The following CDKL3 variants were observed in gnomAD, a reference collection of about 807,000 sequenced individuals.
CDKL3 encodes the protein cyclin dependent kinase like 3.
CDKL3 carries 65 observed loss-of-function variants against 69.3 expected under a neutral mutation model. The ratio of observed to expected loss-of-function variants is 0.94; its 90% CI spans 0.77 to 1.15. The LOEUF (loss-of-function observed/expected upper bound fraction) is 1.15. CDKL3 is among the 50% of genes most tolerant of loss of function. The probability of loss-of-function intolerance (pLI) is 0.00; values close to 1 mark genes in which losing one functional copy is unlikely to be tolerated. For synonymous variants in CDKL3, 202 were observed against 221.6 expected (o/e 0.91, Z 0.79); for missense variants, 652 against 689.2 (o/e 0.95, Z 0.61).
chr5:134,298,684 C>G lies in CDKL3; in HGVS notation c.1746G>C (p.Lys582Asn), dbSNP rs1765552710. 6.2e-7 allele frequency: 1 copy of G among 1,613,130 alleles called. No individual in the cohort carries two copies. The highest frequency in any genetic ancestry group is 8.5e-7 in the Non-Finnish European group (1 of 1,179,436). Reference protein sequence around the residue: ...QEGGDGHCEGKNLKRNRFFFW With the variant: ...QEGGDGHCEGNNLKRNRFFFW ...AAAAAAACCTGTTTCTCTTCAAATTCTTCCCCTCGCAATGGCCATCTCCAC... is the reference window on the plus strand; with the variant it reads ...AAAAAAACCTGTTTCTCTTCAAATTGTTCCCCTCGCAATGGCCATCTCCAC... Residue 582 changes from lysine (K) to asparagine (N), a missense_variant, in exon 13 of 13, where the codon AAG (lysine) becomes AAC (asparagine). Lys to Asn is a moderately conservative substitution (Grantham distance 94). Transcript: ENST00000265334.
downstream of CDKL3, among the ~76,000 whole-genome samples, chr5:134,295,299 A>G (rs11242210): frequency 0.89 from 135,782 of 152,130 alleles, 61,085 homozygotes; most frequent in African/African-American, 0.97. Context: ...TGACAGGTGC[A>G]AGCCACCATG....
chr5:134,324,288 T>G (rs1242908907), intron 4 of CDKL3, among the ~76,000 whole-genome samples: 2 of 152,340 alleles, frequency 1.3e-5, no homozygotes, highest in East Asian at 3.9e-4. Flanking sequence ...ATTTGACAGC[T>G]TCTAACAAAG....
intron 3 of CDKL3, among the ~76,000 whole-genome samples, chr5:134,355,537 T>A (rs1754390227): frequency 2.0e-5 from 3 of 152,192 alleles, no homozygotes; most frequent in Non-Finnish European, 4.4e-5. Flanking sequence ...AAGAAAGGTA[T>A]TTATTGAAAA....
chr5:134,308,073 A>G, intron 9 of CDKL3, 65 bp downstream of exon 9: 1 of 1,501,030 alleles, frequency 6.7e-7, no homozygotes, highest in Non-Finnish European at 8.9e-7. Flanking sequence ...TATGAACACG[A>G]TTCTTTGAAA....
intron 3 of CDKL3, among the ~76,000 whole-genome samples, chr5:134,351,778 T>C (rs981735430): frequency 3.0e-4 from 46 of 152,276 alleles, no homozygotes; most frequent in Admixed American, 1.0e-3. Context: ...TTTTTAACAT[T>C]GTTAATTTTA....
upstream of CDKL3, chr5:134,371,342 A>C (rs1159541954): frequency 1.7e-6 from 1 of 594,208 alleles, no homozygotes; most frequent in Non-Finnish European, 3.0e-6. Context: ...CGCCCCGCTG[A>C]AGGGCTCGGG....
intron 4 of CDKL3, among the ~76,000 whole-genome samples, chr5:134,348,323 G>C (rs992385724): frequency 6.6e-6 from 1 of 152,208 alleles, no homozygotes; most frequent in Non-Finnish European, 1.5e-5. Flanking sequence ...CACACAAAGG[G>C]TTTTCTGGGG....
At chr5:134,362,138 T>C (rs2149656720) in intron 2 of CDKL3, among the ~76,000 whole-genome samples, 1 of 152,372 alleles carries the variant, frequency 6.6e-6, no homozygotes, top group South Asian at 2.1e-4. Context: ...TCAAGTTGTT[T>C]AATTTTTTCT....
At chr5:134,347,125 G>A (rs77776586) in intron 4 of CDKL3, among the ~76,000 whole-genome samples, 2,512 of 151,952 alleles carry the variant, frequency 0.017, 40 homozygotes, top group Middle Eastern at 0.027. Context: ...ACTGGGTGAG[G>A]ACTATGGGGA....
intron 12 of CDKL3, chr5:134,299,777 T>A: frequency 7.1e-7 from 1 of 1,400,230 alleles, no homozygotes; most frequent in Non-Finnish European, 9.8e-7. Context: ...AACAGGTCTT[T>A]AATTGAGGAC....
intron 4 of CDKL3, among the ~76,000 whole-genome samples, chr5:134,322,883 G>A (rs915867688): frequency 3.9e-5 from 6 of 151,980 alleles, no homozygotes; most frequent in Non-Finnish European, 8.8e-5. Flanking sequence ...GGAGGCTGAG[G>A]CAGGAAAATC....
chr5:134,284,653 C>G (rs1764776582), downstream of CDKL3, among the ~76,000 whole-genome samples: 1 of 152,246 alleles, frequency 6.6e-6, no homozygotes. Flanking sequence ...TTATCTTCAA[C>G]TGCACAAGAC....
chr5:134,287,570 A>G (rs1764924532), intron 8 of CDKL3, among the ~76,000 whole-genome samples: 1 of 152,200 alleles, frequency 6.6e-6, no homozygotes, highest in African/African-American at 2.4e-5. Flanking sequence ...AGACCTAGCC[A>G]ATTGATTGCC....
In CDKL3 at chr5:134,304,533, G is replaced by C. The variant is rs1328694366; in HGVS notation, c.1493C>G (p.Thr498Arg). 7 of 1,610,892 alleles carry C rather than the reference G, an allele frequency of 4.3e-6. No individual in the cohort carries two copies. Among genetic ancestry groups the C allele is most frequent in the Non-Finnish European group, 5.1e-6 (6 of 1,178,772 alleles). Residue 498 changes from threonine (T) to arginine (R), a missense_variant, in exon 11 of 13, where the codon ACA becomes AGA. Physicochemically the swap from Thr to Arg is moderately conservative, Grantham distance 71. Transcript: ENST00000265334. ...ATTTGCCATTTGGTCACTGTGACCT[G>C]TTCGCTCATTAAATATACCCTTCTC... ...QMEKGIFNER[T>R]GHSDQMANEN...
intron 4 of CDKL3, among the ~76,000 whole-genome samples, chr5:134,345,768 C>A (rs1751706645): frequency 6.6e-6 from 1 of 152,300 alleles, no homozygotes; most frequent in East Asian, 1.9e-4. Context: ...ATTTTCACTT[C>A]TTTTGTGATT....
chr5:134,361,419 C>T (rs549340287), intron 2 of CDKL3, among the ~76,000 whole-genome samples: 2 of 152,184 alleles, frequency 1.3e-5, no homozygotes, highest in South Asian at 4.1e-4. Context: ...AATATATTTG[C>T]CTTCATTCCA....
intron 8 of CDKL3, among the ~76,000 whole-genome samples, chr5:134,287,258 T>C (rs1764911119): frequency 6.6e-6 from 1 of 152,208 alleles, no homozygotes; most frequent in South Asian, 2.1e-4. Flanking sequence ...AATTAGGTGA[T>C]AACTGGTGCC....
At chr5:134,295,300 A>G (rs1765301989), downstream of CDKL3, among the ~76,000 whole-genome samples, 10 of 152,142 alleles carry the variant, frequency 6.6e-5, no homozygotes, top group Admixed American at 6.6e-4. Context: ...GACAGGTGCA[A>G]GCCACCATGC....
intron 3 of CDKL3, among the ~76,000 whole-genome samples, chr5:134,355,926 C>T (rs998195627): frequency 1.3e-5 from 2 of 152,294 alleles, no homozygotes; most frequent in East Asian, 3.9e-4. Context: ...AGTCTCCAAC[C>T]TTTTTGGCAC....
Sources: gnomAD v4.1 joint callset for allele counts (sites outside exome capture counted in the v4.1 genomes callset) on GRCh38, gnomAD v4.1.1 for gene constraint, MANE v1.5 for transcripts, NCBI Gene and HGNC (gene_info 2026-07-23, HGNC 2026-07-21) for gene names.